Variants in KCTD5 observed in about 807,000 individuals in gnomAD.
The protein encoded by KCTD5 is BTB/POZ domain-containing protein KCTD5.
A neutral mutation model predicts 27.9 loss-of-function variants in KCTD5; 12 were observed. That is an observed-to-expected ratio of 0.43 (90% CI 0.28 to 0.70). The LOEUF (loss-of-function observed/expected upper bound fraction) is 0.70. KCTD5 is among the 30% of genes least tolerant of loss of function. The probability of loss-of-function intolerance (pLI) is 0.19; values close to 1 mark genes in which losing one functional copy is unlikely to be tolerated. For missense variants in KCTD5, 226 were observed against 274.8 expected, an observed-to-expected ratio of 0.82 and a Z score of 1.26; for synonymous variants, 147 against 121.4, an observed-to-expected ratio of 1.21 and a Z score of -1.39.
In KCTD5 at chr16:2,702,341, G is replaced by A. The variant is rs376746520; in HGVS notation, c.550-12G>A. On this transcript the variant is annotated splice_polypyrimidine_tract_variant and intron_variant, in intron 4 of 5. Transcript: ENST00000301738. The stretch of plus-strand genomic sequence containing the variant: ...TTCACTGGGCTGCGTCTCAGGCTAT[G>A]TCTCCTTGCAGTTGGTCAGCATCGG... 2 of 1,613,292 alleles carry A rather than the reference G, an allele frequency of 1.2e-6. No individual in the cohort carries two copies. The highest frequency in any genetic ancestry group is 2.7e-5 in the African/African-American group (2 of 74,938).
At chr16:2,682,832 C>T in intron 1 of KCTD5, 32 bp downstream of exon 1, 1 of 1,544,682 alleles carries the variant, frequency 6.5e-7, no homozygotes, top group Non-Finnish European at 8.7e-7. Context: ...CCGGAGGGTC[C>T]TGGCCTTCCC....
intron 1 of KCTD5, among the ~76,000 whole-genome samples, chr16:2,692,587 A>T (rs1201063082): frequency 6.6e-6 from 1 of 152,210 alleles, no homozygotes; most frequent in East Asian, 1.9e-4. Context: ...CCCAGAGGGA[A>T]GGAAGTGCAT....
chr16:2,697,206 G>C (rs1265237037), intron 2 of KCTD5: 9 of 152,548 alleles, frequency 5.9e-5, no homozygotes, highest in South Asian at 2.1e-4. Context: ...GCTGCCATGT[G>C]CCATATGTGG....
At position 2,682,812 on chromosome 16, in the gene KCTD5, A is replaced by C. The variant is rs753944457; in HGVS notation, c.252+12A>C. ...TGGACTCAGACAAGGTGAGGGCCTC[A>C]CGGGCCAGCCCGGAGGGTCCTGGCC... On this transcript the variant is annotated intron_variant, in intron 1 of 5. Transcript: ENST00000301738. 35 of 1,585,480 alleles carry C rather than the reference A, an allele frequency of 2.2e-5. No homozygotes were observed. The South Asian group carries it at 3.4e-4, about 15-fold the overall frequency.
At chr16:2,693,660 C>G (rs1266070499) in intron 1 of KCTD5, among the ~76,000 whole-genome samples, 1 of 152,214 alleles carries the variant, frequency 6.6e-6, no homozygotes, top group African/African-American at 2.4e-5. Flanking sequence ...GGGGTTGCCT[C>G]GTGTGTCTGG....
intron 5 of KCTD5, among the ~76,000 whole-genome samples, chr16:2,705,982 G>A (rs941074772): frequency 6.6e-6 from 1 of 152,196 alleles, no homozygotes; most frequent in Admixed American, 6.5e-5. Flanking sequence ...ACACAGGGCT[G>A]GTGGGGGCTT....
At chr16:2,706,449 G>T (rs2067636393) in intron 5 of KCTD5, among the ~76,000 whole-genome samples, 1 of 152,216 alleles carries the variant, frequency 6.6e-6, no homozygotes. Flanking sequence ...TGGCTCCGAA[G>T]CTCTCTGCTC....
At chr16:2,691,983 C>G (rs1290103137) in intron 1 of KCTD5, among the ~76,000 whole-genome samples, 2 of 152,232 alleles carry the variant, frequency 1.3e-5, no homozygotes, top group Admixed American at 6.5e-5. Flanking sequence ...GCGGTTCCCA[C>G]ACAGGTGCGT....
chr16:2,690,365 G>A (rs1403752846), intron 1 of KCTD5, among the ~76,000 whole-genome samples: 1 of 152,248 alleles, frequency 6.6e-6, no homozygotes, highest in Non-Finnish European at 1.5e-5. Context: ...GGCTCCGGCT[G>A]AAGCCTGGGA....
chr16:2,682,944 C>T (rs1288288242), intron 1 of KCTD5, 144 bp downstream of exon 1: 9 of 1,054,880 alleles, frequency 8.5e-6, no homozygotes, highest in Non-Finnish European at 1.2e-5. Context: ...TTGTCGCCAG[C>T]TCCTCCCCAG....
intron 5 of KCTD5, 113 bp downstream of exon 5, chr16:2,702,591 G>T: frequency 7.1e-7 from 1 of 1,404,008 alleles, no homozygotes; most frequent in South Asian, 1.4e-5. Flanking sequence ...GTCCGCCCCT[G>T]GTGGCCTTGC....
At position 2,707,369 on chromosome 16, in the gene KCTD5, C is replaced by T. The variant is rs769224600; in HGVS notation, c.*42C>T. 6.2e-7 allele frequency: 1 copy of T among 1,601,748 alleles called. No homozygotes were observed. The highest frequency in any genetic ancestry group is 1.7e-5 in the Admixed American group (1 of 60,018). ...AGCTGAAGAAATGATTTACGTTTTC[C>T]CGAGATGTAATGAACTGCCATGTCC... On this transcript the variant is annotated 3_prime_UTR_variant, in exon 6 of 6. Transcript: ENST00000301738.
intron 5 of KCTD5, 28 bp downstream of exon 5, chr16:2,702,506 G>C (rs781413339): frequency 1.2e-6 from 2 of 1,609,754 alleles, no homozygotes; most frequent in Non-Finnish European, 1.7e-6. Flanking sequence ...CCTGGCCTGG[G>C]GCAGTCTTGG....
Position 2,698,004 on chromosome 16 carries a change from C to CAA in KCTD5, c.453+9_453+10dup, listed in dbSNP as rs1567195082. The CAA allele has an allele frequency of 1.9e-6, 3 of 1,596,376 alleles. No homozygotes were observed. The highest frequency in any genetic ancestry group is 2.6e-6 in the Non-Finnish European group (3 of 1,164,322). On this transcript the variant is annotated splice_region_variant and intron_variant, in intron 3 of 5. Transcript: ENST00000301738. ...AGACAGCAAAACATCGCAGGTGAGA[C>CAA]AAATGACTGAGGCTGGAAGCTTGTA...
chr16:2,692,703 G>C (rs2067571832), intron 1 of KCTD5, among the ~76,000 whole-genome samples: 1 of 152,228 alleles, frequency 6.6e-6, no homozygotes, highest in South Asian at 2.1e-4. Context: ...TGGCCTGAAG[G>C]TGGGGCCTTA....
intron 1 of KCTD5, among the ~76,000 whole-genome samples, chr16:2,687,980 G>A (rs2067547991): frequency 6.6e-6 from 1 of 151,948 alleles, no homozygotes; most frequent in Admixed American, 6.6e-5. Flanking sequence ...TGGAGTTGGG[G>A]AGCCTGGGTT....
At chr16:2,700,944 A>G (rs1014979206) in intron 4 of KCTD5, among the ~76,000 whole-genome samples, 1 of 151,890 alleles carries the variant, frequency 6.6e-6, no homozygotes, top group African/African-American at 2.4e-5. Flanking sequence ...CCTGCACCTC[A>G]TCAGAATCGT....
rs569148316 is a variant in KCTD5 at position 2,699,989 on chromosome 16, G to A, written c.549+73G>A. 186 of 1,387,574 alleles carry A rather than the reference G, an allele frequency of 1.3e-4. 3 individuals carry two copies. The South Asian group carries it at 2.0e-3, about 15-fold the overall frequency. 86.0% of individuals were successfully genotyped at this position (1,387,574 alleles called of 1,614,324 possible). ...TGTGCTCACAATGGCTCAGGGCTCA[G>A]TGCTCCTGGAAATGCAGACTTTGCT... On this transcript the variant is annotated intron_variant, in intron 4 of 5. Transcript: ENST00000301738.
intron 1 of KCTD5, among the ~76,000 whole-genome samples, chr16:2,686,779 A>G (rs926684917): frequency 9.5e-4 from 136 of 142,572 alleles, no homozygotes; most frequent in Non-Finnish European, 1.6e-3. Context: ...CGGGGGTGGA[A>G]AGTTATGGAA....
Sources: gnomAD v4.1 joint callset for allele counts (sites outside exome capture counted in the v4.1 genomes callset) on GRCh38, gnomAD v4.1.1 for gene constraint, MANE v1.5 for transcripts, NCBI Gene and HGNC (gene_info 2026-07-23, HGNC 2026-07-21) for gene names.